Variants in TSHZ3 observed in about 807,000 individuals in gnomAD.
TSHZ3 encodes the protein teashirt homolog 3.
Under a neutral mutation model 64.5 loss-of-function variants are expected in TSHZ3, and 10 were observed. That is an observed-to-expected ratio of 0.16 (90% CI 0.10 to 0.26). TSHZ3 has a LOEUF of 0.26. Among genes scored for constraint, TSHZ3 ranks in the 10% least tolerant of loss-of-function variants. The pLI is 1.00. For synonymous variants in TSHZ3, 608 were observed against 593.1 expected (o/e 1.03, Z -0.36); for missense variants, 1,242 against 1,421.7 (o/e 0.87, Z 2.03).
chr19:31,321,103 G>A (rs868729452), intron 1 of TSHZ3, among the ~76,000 whole-genome samples: 1 of 152,228 alleles, frequency 6.6e-6, no homozygotes, highest in African/African-American at 2.4e-5. Context: ...TCCTGTTGAA[G>A]GATGGCAGTG....
intron 5 of TSHZ3, among the ~76,000 whole-genome samples, chr19:31,183,321 T>C (rs1229636251): frequency 1.3e-5 from 2 of 152,012 alleles, no homozygotes; most frequent in Non-Finnish European, 2.9e-5. Flanking sequence ...CACATGCCTT[T>C]TCCCTGCAAA....
chr19:31,221,513 CTCCACATTCCT>C (rs1047343364), intron 4 of TSHZ3, among the ~76,000 whole-genome samples: 1 of 152,230 alleles, frequency 6.6e-6, no homozygotes, highest in Non-Finnish European at 1.5e-5. Flanking sequence ...ATCAGATACA[CTCCACATTCCT>C]TCCACAGCAT....
Position 31,333,254 on chromosome 19 carries a change from C to A in TSHZ3, c.40+15926G>T, listed in dbSNP as rs889381638. ...CCCTCCCACTCCCACCAAGGGAGGG[C>A]GAAGAGCAATGCAGCTGCCCTCCCT... On this transcript the variant is annotated intron_variant, in intron 1 of 1. Coordinates refer to ENST00000240587, the MANE Select transcript of TSHZ3 (RefSeq NM_020856.4). Among the ~76,000 whole-genome samples, 4 of 152,102 alleles carry A rather than the reference C, an allele frequency of 2.6e-5. No homozygotes were observed. The South Asian group carries it at 8.3e-4, about 32-fold the overall frequency.
chr19:31,321,965 T>C (rs1167485311), intron 1 of TSHZ3, among the ~76,000 whole-genome samples: 1 of 152,118 alleles, frequency 6.6e-6, no homozygotes, highest in Non-Finnish European at 1.5e-5. Context: ...TTGCTCCTAA[T>C]GCTATCCTTC....
At chr19:31,183,419 C>T (rs1234747003) in intron 5 of TSHZ3, among the ~76,000 whole-genome samples, 2 of 152,144 alleles carry the variant, frequency 1.3e-5, no homozygotes, top group Non-Finnish European at 2.9e-5. Context: ...TTCTGAGGCT[C>T]GTCTTGCTCT....
At chr19:31,291,248 C>T (rs1357365573) in intron 1 of TSHZ3, among the ~76,000 whole-genome samples, 3 of 152,182 alleles carry the variant, frequency 2.0e-5, no homozygotes, top group Non-Finnish European at 4.4e-5. Flanking sequence ...TGATGGGAAA[C>T]AAGAGTCCAA....
chr19:31,346,738 T>C (rs1453371259), intron 1 of TSHZ3, among the ~76,000 whole-genome samples: 3 of 146,144 alleles, frequency 2.1e-5, no homozygotes, highest in African/African-American at 7.7e-5. Flanking sequence ...CTGGGAAAAC[T>C]AAAAAAGAGG....
At chr19:31,209,871 C>G (rs1459980246) in intron 4 of TSHZ3, among the ~76,000 whole-genome samples, 1 of 152,104 alleles carries the variant, frequency 6.6e-6, no homozygotes, top group African/African-American at 2.4e-5. Context: ...TCTCCCCATT[C>G]TGTGGCTGGG....
intron 1 of TSHZ3, among the ~76,000 whole-genome samples, chr19:31,330,899 T>G (rs1917070176): frequency 1.3e-5 from 2 of 151,938 alleles, no homozygotes; most frequent in Non-Finnish European, 2.9e-5. Flanking sequence ...GCCCAAAAAC[T>G]GACATGCATG....
At chr19:31,281,389 A>G (rs2145218069) in intron 1 of TSHZ3, among the ~76,000 whole-genome samples, 1 of 152,302 alleles carries the variant, frequency 6.6e-6, no homozygotes, top group Admixed American at 6.5e-5. Context: ...TGGAATCCCA[A>G]CACTGATGTA....
chr19:31,254,449 A>AG (rs1975882372), intron 1 of TSHZ3, among the ~76,000 whole-genome samples: 1 of 152,176 alleles, frequency 6.6e-6, no homozygotes, highest in African/African-American at 2.4e-5. Context: ...CCTGGAGGAA[A>AG]GGGGGCCGGT....
intron 5 of TSHZ3, among the ~76,000 whole-genome samples, chr19:31,163,513 C>T (rs1974398217): frequency 6.6e-6 from 1 of 152,130 alleles, no homozygotes; most frequent in African/African-American, 2.4e-5. Flanking sequence ...GGGCGGATCA[C>T]TTGAGGTCAG....
intron 1 of TSHZ3, among the ~76,000 whole-genome samples, chr19:31,309,608 G>A (rs956575384): frequency 1.3e-5 from 2 of 152,194 alleles, no homozygotes; most frequent in African/African-American, 2.4e-5. Flanking sequence ...AACAGGCCCC[G>A]AACTAAGAAA....
At chr19:31,224,740 T>C (rs1819291726) in intron 4 of TSHZ3, among the ~76,000 whole-genome samples, 1 of 152,234 alleles carries the variant, frequency 6.6e-6, no homozygotes, top group African/African-American at 2.4e-5. Context: ...ATGTTGGTGC[T>C]AGAAAAAATT....
At chr19:31,172,863 C>G (rs1320041201) in intron 5 of TSHZ3, among the ~76,000 whole-genome samples, 2 of 152,144 alleles carry the variant, frequency 1.3e-5, no homozygotes, top group African/African-American at 4.8e-5. Context: ...GGCAAAGGCC[C>G]TGGGGCAGAA....
chr19:31,238,651 T>C (rs541085918), intron 3 of TSHZ3, among the ~76,000 whole-genome samples: 19 of 152,326 alleles, frequency 1.2e-4, no homozygotes, highest in Non-Finnish European at 2.4e-4. Flanking sequence ...AATGCCCGTA[T>C]TTATCTCTTA....
At chr19:31,240,565 G>T (rs542860537) in intron 3 of TSHZ3, among the ~76,000 whole-genome samples, 6 of 152,216 alleles carry the variant, frequency 3.9e-5, no homozygotes, top group Admixed American at 2.6e-4. Flanking sequence ...CGTGAGAAAG[G>T]CAAATAATAT....
intron 4 of TSHZ3, among the ~76,000 whole-genome samples, chr19:31,215,935 T>TA (rs200676584): frequency 0.011 from 1,732 of 151,622 alleles, 10 homozygotes; most frequent in Admixed American, 0.018. Flanking sequence ...CCAATTGGCT[T>TA]AAAAAAACTA....
chr19:31,349,610 C>G (rs941392303), upstream of TSHZ3: 77 of 171,258 alleles, frequency 4.5e-4, no homozygotes, highest in Non-Finnish European at 7.6e-4. Flanking sequence ...GCCCTGCCCC[C>G]CCCCGCCCCG....
Sources: gnomAD v4.1 joint callset for allele counts (sites outside exome capture counted in the v4.1 genomes callset) on GRCh38, gnomAD v4.1.1 for gene constraint, MANE v1.5 for transcripts, NCBI Gene and HGNC (gene_info 2026-07-23, HGNC 2026-07-21) for gene names.